SYTL5: variants seen among roughly 807,000 people sequenced by gnomAD.
SYTL5 encodes the protein synaptotagmin like 5, also known as synaptotagmin-like protein 5.
SYTL5 carries 34 observed loss-of-function variants against 55.9 expected under a neutral mutation model. The observed-to-expected ratio is 0.61, with a 90% CI of 0.46 to 0.81. The LOEUF is 0.81. SYTL5 is among the 30% of genes least tolerant of loss of function. SYTL5 has a pLI of 0.00. For synonymous variants in SYTL5, 221 were observed against 188.7 expected (o/e 1.17, Z -1.40); for missense variants, 637 against 546.7 (o/e 1.17, Z -1.65).
chrX:37,995,376 A>G, the SYTL5 span, among the ~76,000 whole-genome samples: 5 of 111,697 alleles, frequency 4.5e-5, no homozygotes, highest in East Asian at 2.8e-4. Flanking sequence ...TTGTGTTGGG[A>G]TTGTCCTTAG....
chrX:37,972,873 T>C, the SYTL5 span, among the ~76,000 whole-genome samples: 1 of 92,652 alleles, frequency 1.1e-5, no homozygotes, highest in Non-Finnish European at 2.4e-5. Context: ...CTGGGATCCA[T>C]AGAAAGGAAT....
intron 3 of SYTL5, among the ~76,000 whole-genome samples, chrX:38,062,802 GA>G (rs1201687686): frequency 2.7e-5 from 3 of 112,072 alleles, no homozygotes; most frequent in Non-Finnish European, 5.6e-5. Context: ...GGTGACTGTT[GA>G]AACCGCAAAT....
In SYTL5 at chrX:38,102,413, T is replaced by A; in HGVS notation, c.1134T>A (p.Arg378=). ...VSSQLSTNTH[R]LASGLSTTSL... The stretch of plus-strand genomic sequence containing the variant: ...CGCAGTTATCTACAAACACTCACCG[T>A]CTGGCAAGTGGCCTATCAACTGTAA... The change falls in exon 10 of 17, where the codon CGT becomes CGA. Residue 378 remains arginine (R), a synonymous_variant. Transcript: ENST00000297875. The A allele has an allele frequency of 8.3e-7, 1 of 1,203,917 alleles. No homozygotes were observed. Among genetic ancestry groups the A allele is most frequent in the Non-Finnish European group, 1.1e-6 (1 of 888,413 alleles).
chrX:37,981,646 C>G, the SYTL5 span, among the ~76,000 whole-genome samples: 3 of 111,390 alleles, frequency 2.7e-5, no homozygotes, highest in Admixed American at 9.5e-5. Context: ...GTCAAGAGAG[C>G]CCAGACTAGA....
At chrX:37,930,437 T>G in the SYTL5 span, among the ~76,000 whole-genome samples, 2 of 111,313 alleles carry the variant, frequency 1.8e-5, no homozygotes, top group Non-Finnish European at 3.8e-5. Context: ...TTCTTTCCCT[T>G]TTTTCCCTTC....
intron 4 of SYTL5, 122 bp from the exon 5 acceptor site, chrX:38,073,468 T>A: frequency 2.1e-6 from 1 of 486,620 alleles, no homozygotes; most frequent in Non-Finnish European, 3.4e-6. Context: ...GGAATGGCAT[T>A]GCCAATTATT....
At chrX:37,956,218 A>T in the SYTL5 span, among the ~76,000 whole-genome samples, 1 of 111,984 alleles carries the variant, frequency 8.9e-6, no homozygotes, top group South Asian at 3.7e-4. Context: ...AATTTGGGGC[A>T]CTTTACTGAA....
intron 1 of SYTL5, among the ~76,000 whole-genome samples, chrX:38,013,905 C>T (rs192259707): frequency 3.3e-4 from 37 of 110,880 alleles, no homozygotes; most frequent in African/African-American, 1.0e-3. Flanking sequence ...TCAACCACCA[C>T]CAACTCCTCC....
the SYTL5 span, among the ~76,000 whole-genome samples, chrX:37,989,653 G>A: frequency 9.0e-6 from 1 of 111,577 alleles, no homozygotes; most frequent in Non-Finnish European, 1.9e-5. Flanking sequence ...TTTTTCCCTT[G>A]TGGAATGGCA....
chrX:38,026,772 C>T (rs1934790836), intron 1 of SYTL5, among the ~76,000 whole-genome samples: 1 of 111,576 alleles, frequency 9.0e-6, no homozygotes, highest in Non-Finnish European at 1.9e-5. Context: ...AGCTTCTTCA[C>T]TGCAGTTTTA....
the SYTL5 span, among the ~76,000 whole-genome samples, chrX:37,919,055 G>A: frequency 9.1e-6 from 1 of 110,371 alleles, no homozygotes; most frequent in East Asian, 2.8e-4. Context: ...ATCAGCCATG[G>A]AGGCATAGAC....
chrX:38,075,174 C>T (rs1486209885), intron 5 of SYTL5, among the ~76,000 whole-genome samples: 5 of 111,621 alleles, frequency 4.5e-5, no homozygotes, highest in African/African-American at 1.3e-4. Context: ...CTCACCATCA[C>T]AATCAATTAT....
the SYTL5 span, among the ~76,000 whole-genome samples, chrX:37,925,969 T>G: frequency 8.9e-6 from 1 of 112,053 alleles, no homozygotes; most frequent in Non-Finnish European, 1.9e-5. Flanking sequence ...TATTCCATCA[T>G]ATATATATGT....
chrX:37,983,972 T>C, the SYTL5 span, among the ~76,000 whole-genome samples: 1 of 111,602 alleles, frequency 9.0e-6, no homozygotes, highest in African/African-American at 3.2e-5. Flanking sequence ...CCTAAACTTA[T>C]GAGATGCAGC....
chrX:38,050,753 A>T (rs1357772386), intron 2 of SYTL5, among the ~76,000 whole-genome samples: 1 of 112,410 alleles, frequency 8.9e-6, no homozygotes, highest in East Asian at 2.8e-4. Context: ...CACTCATGCC[A>T]CATGTTCATA....
intron 1 of SYTL5, among the ~76,000 whole-genome samples, chrX:38,011,881 ATT>A (rs56879270): frequency 9.6e-6 from 1 of 104,567 alleles, no homozygotes; most frequent in Non-Finnish European, 2.0e-5. Context: ...GTTTAGTGGG[ATT>A]TTTTTTTTTT....
At chrX:37,925,160 A>G in the SYTL5 span, among the ~76,000 whole-genome samples, 1 of 111,578 alleles carries the variant, frequency 9.0e-6, no homozygotes, top group African/African-American at 3.3e-5. Flanking sequence ...GATGACTTTC[A>G]GTTCCATTCA....
chrX:38,073,481 A>G, intron 4 of SYTL5, 109 bp from the exon 5 acceptor site: 1 of 535,404 alleles, frequency 1.9e-6, no homozygotes, highest in Non-Finnish European at 3.0e-6. Flanking sequence ...CAATTATTAT[A>G]GACTTCCTTG....
At chrX:38,079,627 T>C (rs1048278882) in intron 6 of SYTL5, among the ~76,000 whole-genome samples, 5 of 112,194 alleles carry the variant, frequency 4.5e-5, no homozygotes, top group Admixed American at 9.4e-5. Context: ...CAAGGATTTA[T>C]AAGCAAGTGA....
Sources: allele counts gnomAD v4.1 joint callset (sites outside exome capture counted in the v4.1 genomes callset), GRCh38; gene constraint gnomAD v4.1.1; transcripts MANE v1.5; gene names NCBI Gene and HGNC (gene_info 2026-07-23, HGNC 2026-07-21).